The following MYT1L variants were observed in gnomAD, a reference collection of about 807,000 sequenced individuals.
The protein encoded by MYT1L is myelin transcription factor 1 like.
In MYT1L, 12 loss-of-function variants were observed where a neutral mutation model predicts 126.7. That is an observed-to-expected ratio of 0.09 (90% CI 0.06 to 0.15). The LOEUF is 0.15. Among genes scored for constraint, MYT1L ranks in the 10% least tolerant of loss-of-function variants. The probability of loss-of-function intolerance (pLI) is 1.00; values close to 1 mark genes in which losing one functional copy is unlikely to be tolerated. For missense variants in MYT1L, 979 were observed against 1,585.2 expected, an observed-to-expected ratio of 0.62 and a Z score of 6.49; for synonymous variants, 541 against 604.2, an observed-to-expected ratio of 0.90 and a Z score of 1.53.
chr2:1,942,609 C>T (rs556804533), intron 9 of MYT1L, among the ~76,000 whole-genome samples: 1 of 152,180 alleles, frequency 6.6e-6, no homozygotes, highest in Non-Finnish European at 1.5e-5. Context: ...CACTGTTTTG[C>T]CCTTTGCCCA....
chr2:2,179,991 T>A (rs965397286), intron 2 of MYT1L, among the ~76,000 whole-genome samples: 1 of 152,178 alleles, frequency 6.6e-6, no homozygotes, highest in Admixed American at 6.5e-5. Context: ...GGTCATCCTC[T>A]CGCTGATCCG....
intron 5 of MYT1L, among the ~76,000 whole-genome samples, chr2:1,985,514 G>C (rs1196018473): frequency 6.6e-6 from 1 of 152,098 alleles, no homozygotes; most frequent in Non-Finnish European, 1.5e-5. Flanking sequence ...CAGCAAGTTT[G>C]GGCTCCTAAA....
At chr2:2,141,884 TG>T (rs2084039190) in intron 3 of MYT1L, among the ~76,000 whole-genome samples, 1 of 152,154 alleles carries the variant, frequency 6.6e-6, no homozygotes. Context: ...GAAACTTCTA[TG>T]TAGGGAGACC....
intron 4 of MYT1L, among the ~76,000 whole-genome samples, chr2:2,037,124 G>A (rs907256679): frequency 2.0e-5 from 3 of 152,214 alleles, no homozygotes; most frequent in African/African-American, 4.8e-5. Flanking sequence ...TGGAAAAGCA[G>A]TTCCAAATCA....
At chr2:1,833,120 A>T (rs1259096325) in intron 21 of MYT1L, among the ~76,000 whole-genome samples, 5 of 152,206 alleles carry the variant, frequency 3.3e-5, no homozygotes, top group Non-Finnish European at 1.5e-5. Context: ...GTTCCTAGGA[A>T]GCCTCCTCAG....
At chr2:2,003,745 C>T (rs960455765) in intron 4 of MYT1L, among the ~76,000 whole-genome samples, 1 of 152,206 alleles carries the variant, frequency 6.6e-6, no homozygotes, top group East Asian at 1.9e-4. Context: ...CATGTCTGCA[C>T]GCCTTCCTGT....
intron 2 of MYT1L, among the ~76,000 whole-genome samples, chr2:2,275,721 G>A (rs1014492357): frequency 3.3e-5 from 5 of 152,144 alleles, no homozygotes; most frequent in Admixed American, 2.6e-4. Context: ...TATACACTGA[G>A]CATGCTTCCT....
At chr2:1,995,162 G>C (rs901793355) in intron 5 of MYT1L, among the ~76,000 whole-genome samples, 3 of 152,028 alleles carry the variant, frequency 2.0e-5, no homozygotes, top group Admixed American at 1.3e-4. Flanking sequence ...TAGCTTTCAG[G>C]CATCTATTTT....
chr2:1,916,275 C>G (rs751079918), intron 11 of MYT1L, among the ~76,000 whole-genome samples: 1 of 152,154 alleles, frequency 6.6e-6, no homozygotes, highest in Non-Finnish European at 1.5e-5. Context: ...CTCAAAGTTA[C>G]CCATTTTAAT....
chr2:1,907,017 C>T (rs1297642442), intron 13 of MYT1L, among the ~76,000 whole-genome samples: 4 of 151,076 alleles, frequency 2.6e-5, no homozygotes, highest in Admixed American at 1.3e-4. Context: ...GTGGTTGAGG[C>T]GGGAGGATTG....
At position 2,068,769 on chromosome 2, in the gene MYT1L, G is replaced by GTTTTTTTTTTT. The variant is rs55838351; in HGVS notation, c.-303-14657_-303-14647dup. Among the ~76,000 whole-genome samples, 255 of 26,196 alleles carry GTTTTTTTTTTT rather than the reference G, an allele frequency of 9.7e-3. 60 individuals carry two copies. Among genetic ancestry groups the GTTTTTTTTTTT allele is most frequent in the Non-Finnish European group, 0.013 (180 of 13,464 alleles). The allele number at this position is 26,196 out of a possible 152,430, so 17.2% of individuals were successfully genotyped here. A position where few individuals can be genotyped will look rare whatever the true frequency, so the allele number is the denominator to read the frequency against. On this transcript the variant is annotated intron_variant, in intron 3 of 24. Coordinates refer to ENST00000647738, the MANE Select transcript of MYT1L (RefSeq NM_001303052.2). ...GGACACAGACACCTGTGTTCTTCTT[G>GTTTTTTTTTTT]TTTTTTTTTTTTTTTTTTTTTTTTT...
At chr2:2,171,084 G>A (rs956185452) in intron 3 of MYT1L, among the ~76,000 whole-genome samples, 4 of 152,122 alleles carry the variant, frequency 2.6e-5, no homozygotes, top group South Asian at 2.1e-4. Flanking sequence ...GGGTCCCGGC[G>A]GACACTCCAC....
chr2:2,266,472 A>G (rs993738732), intron 2 of MYT1L, among the ~76,000 whole-genome samples: 1 of 151,928 alleles, frequency 6.6e-6, no homozygotes, highest in African/African-American at 2.4e-5. Context: ...GGCCCAAAGT[A>G]GTAAAAATAT....
At chr2:2,256,698 C>CT (rs1427014262) in intron 2 of MYT1L, among the ~76,000 whole-genome samples, 6 of 152,112 alleles carry the variant, frequency 3.9e-5, no homozygotes, top group Non-Finnish European at 2.9e-5. Flanking sequence ...CAAAATGCTC[C>CT]TTTTTTAAAA....
intron 4 of MYT1L, among the ~76,000 whole-genome samples, chr2:2,051,750 A>G (rs1163554264): frequency 6.6e-6 from 1 of 152,200 alleles, no homozygotes; most frequent in East Asian, 1.9e-4. Flanking sequence ...GGTCAGAAAA[A>G]CTAGGTAAAA....
At chr2:1,931,689 G>T (rs1395968316) in intron 9 of MYT1L, among the ~76,000 whole-genome samples, 2 of 152,064 alleles carry the variant, frequency 1.3e-5, no homozygotes, top group African/African-American at 4.8e-5. Context: ...CTGGGCCTCC[G>T]TCTCATTACC....
intron 1 of MYT1L, among the ~76,000 whole-genome samples, chr2:2,290,873 A>G (rs571567010): frequency 6.6e-6 from 1 of 152,320 alleles, no homozygotes; most frequent in South Asian, 2.1e-4. Flanking sequence ...AGAAATCCCC[A>G]GAACTAGCAA....
intron 4 of MYT1L, among the ~76,000 whole-genome samples, chr2:2,039,510 G>T (rs1032632278): frequency 6.6e-6 from 1 of 152,158 alleles, no homozygotes; most frequent in Admixed American, 6.5e-5. Context: ...GACTGTTAGG[G>T]AAGTTTACCA....
chr2:1,976,384 A>G (rs2060188445), intron 8 of MYT1L, among the ~76,000 whole-genome samples: 1 of 152,200 alleles, frequency 6.6e-6, no homozygotes, highest in Non-Finnish European at 1.5e-5. Context: ...GCTCACGCCT[A>G]TAATCCCAGT....
Sources: allele counts gnomAD v4.1 joint callset (sites outside exome capture counted in the v4.1 genomes callset), GRCh38; gene constraint gnomAD v4.1.1; transcripts MANE v1.5; gene names NCBI Gene and HGNC (gene_info 2026-07-23, HGNC 2026-07-21).